NMNAT2: variants seen among roughly 807,000 people sequenced by gnomAD.
NMNAT2 encodes the protein nicotinamide/nicotinic acid mononucleotide adenylyltransferase 2.
A neutral mutation model predicts 41.6 loss-of-function variants in NMNAT2; 11 were observed. That is an observed-to-expected ratio of 0.26 (90% CI 0.17 to 0.44). NMNAT2 has a LOEUF of 0.44. Ranked by LOEUF, NMNAT2 falls within the 20% of genes least tolerant of loss-of-function variation. NMNAT2 has a pLI of 1.00. For synonymous variants in NMNAT2, 148 were observed against 151.2 expected (o/e 0.98, Z 0.16); for missense variants, 288 against 407.7 (o/e 0.71, Z 2.53).
At chr1:183,315,918 A>T (rs984578280) in intron 1 of NMNAT2, among the ~76,000 whole-genome samples, 7 of 152,318 alleles carry the variant, frequency 4.6e-5, no homozygotes, top group Non-Finnish European at 1.0e-4. Flanking sequence ...GTAAAAAAAT[A>T]AAAAAATAAA....
At chr1:183,258,995 T>C (rs908903952) in intron 10 of NMNAT2, among the ~76,000 whole-genome samples, 8 of 152,150 alleles carry the variant, frequency 5.3e-5, no homozygotes, top group Non-Finnish European at 8.8e-5. Flanking sequence ...AATTACTCTT[T>C]CTCTATTGCA....
chr1:183,312,215 G>A (rs760187593), intron 1 of NMNAT2, among the ~76,000 whole-genome samples: 8 of 151,602 alleles, frequency 5.3e-5, no homozygotes, highest in Non-Finnish European at 1.2e-4. Context: ...TTTTTGGTAG[G>A]CACATTAGTC....
intron 3 of NMNAT2, 95 bp from the exon 4 acceptor site, chr1:183,290,301 G>T: frequency 3.1e-6 from 3 of 981,884 alleles, no homozygotes; most frequent in South Asian, 1.5e-5. Context: ...AAGCATGGCA[G>T]ATCTGGCCAT....
chr1:183,259,737 C>A (rs1259423407), intron 10 of NMNAT2, among the ~76,000 whole-genome samples: 2 of 152,064 alleles, frequency 1.3e-5, no homozygotes, highest in Admixed American at 1.3e-4. Flanking sequence ...GTAGCTGGGA[C>A]TACAGGCGGC....
At chr1:183,388,531 C>T (rs1051648821) in intron 1 of NMNAT2, among the ~76,000 whole-genome samples, 2 of 152,198 alleles carry the variant, frequency 1.3e-5, no homozygotes, top group African/African-American at 2.4e-5. Flanking sequence ...GTTCAGTTCA[C>T]CTGCTACAAT....
intron 1 of NMNAT2, among the ~76,000 whole-genome samples, chr1:183,330,886 C>T (rs1413532552): frequency 6.6e-6 from 1 of 152,200 alleles, no homozygotes; most frequent in Non-Finnish European, 1.5e-5. Flanking sequence ...TCCTTCAGGG[C>T]TCAGAGCTCC....
At chr1:183,270,717 G>A (rs1198230845) in intron 8 of NMNAT2, among the ~76,000 whole-genome samples, 2 of 152,184 alleles carry the variant, frequency 1.3e-5, no homozygotes, top group Non-Finnish European at 2.9e-5. Flanking sequence ...ATTGGCAGGA[G>A]CTGAGCCTCC....
chr1:183,345,694 T>C (rs1316592522), intron 1 of NMNAT2, among the ~76,000 whole-genome samples: 4 of 151,324 alleles, frequency 2.6e-5, no homozygotes, highest in African/African-American at 9.7e-5. Flanking sequence ...TTTTCTTTTT[T>C]TTTTTTTTTT....
intron 1 of NMNAT2, among the ~76,000 whole-genome samples, chr1:183,357,520 C>A (rs1420482784): frequency 2.0e-5 from 3 of 152,122 alleles, no homozygotes; most frequent in Non-Finnish European, 4.4e-5. Context: ...TGAGCCACCA[C>A]GCCCGGCTGA....
rs1571586903 is a variant in NMNAT2, at chr1:183,304,545, G to T, written c.86-10752C>A. On this transcript the variant is annotated intron_variant, in intron 1 of 10. Coordinates refer to ENST00000287713, the MANE Select transcript of NMNAT2 (RefSeq NM_015039.4). ...CAGGCTGATGTCCCTAAACAGGCAT[G>T]CACAGAGCAGCCCTGCAAACCTTGA... The T allele has an allele frequency of 7.2e-6, 6 of 832,640 alleles. No homozygotes were observed. In the East Asian group the frequency reaches 1.5e-4, roughly 21 times the overall value. The allele number at this position is 832,640 out of a possible 1,614,324, so 51.6% of individuals were successfully genotyped here.
In NMNAT2 at chr1:183,338,908, C is replaced by T. The variant is rs75111978; in HGVS notation, c.86-45115G>A. Among the ~76,000 whole-genome samples, 78 of 152,164 alleles carry T rather than the reference C, an allele frequency of 5.1e-4. 1 individual carries two copies. The highest frequency in any genetic ancestry group is 1.7e-3 in the African/African-American group (71 of 41,518). Reference sequence around the variant, plus strand: ...TTTTGGAGACTCTCCCACTCTGTCTCGGGCTATGAGTTGGCATGAAACAGG... The same window carrying T: ...TTTTGGAGACTCTCCCACTCTGTCTTGGGCTATGAGTTGGCATGAAACAGG... On this transcript the variant is annotated intron_variant, in intron 1 of 10. Transcript: ENST00000287713.
chr1:183,315,987 T>C (rs948462129), intron 1 of NMNAT2, among the ~76,000 whole-genome samples: 3 of 152,196 alleles, frequency 2.0e-5, no homozygotes, highest in African/African-American at 4.8e-5. Context: ...TCTTTAATTT[T>C]TGATTCTTAG....
Position 183,342,090 on chromosome 1 carries a change from C to T in NMNAT2, c.86-48297G>A, listed in dbSNP as rs968260377. Among the ~76,000 whole-genome samples, 9 of 151,464 alleles carry T rather than the reference C, an allele frequency of 5.9e-5. No individual in the cohort carries two copies. In the East Asian group the frequency reaches 7.8e-4, roughly 13 times the overall value. On this transcript the variant is annotated intron_variant, in intron 1 of 10. Coordinates refer to ENST00000287713, the MANE Select transcript of NMNAT2 (RefSeq NM_015039.4). ...CCCCTGCCCACTGCCCCTGCTGAGG[C>T]CCAAACATGCAAAGCAGTGTCTCTG...
intron 1 of NMNAT2, among the ~76,000 whole-genome samples, chr1:183,330,490 G>A (rs1047363181): frequency 6.6e-6 from 1 of 152,074 alleles, no homozygotes; most frequent in Non-Finnish European, 1.5e-5. Context: ...CTTCACCATG[G>A]TCCCTACCTA....
At position 183,412,936 on chromosome 1, in the gene NMNAT2, C is replaced by A. The variant is rs141834427; in HGVS notation, c.85+5247G>T. On this transcript the variant is annotated intron_variant, in intron 1 of 10. Transcript: ENST00000287713. ...TAGGAGGAAAAACAGAAAAAGAATG[C>A]TATTTAGCTGCCATCACTTCCAGGG... Among the ~76,000 whole-genome samples, 305 of 152,276 alleles carry A rather than the reference C, an allele frequency of 2.0e-3. 2 individuals are homozygous for A. The highest frequency in any genetic ancestry group is 7.1e-3 in the African/African-American group (297 of 41,558).
At chr1:183,287,385 T>A (rs1661428023) in intron 4 of NMNAT2, among the ~76,000 whole-genome samples, 1 of 151,372 alleles carries the variant, frequency 6.6e-6, no homozygotes, top group African/African-American at 2.4e-5. Flanking sequence ...AGAGGGAGAG[T>A]GGTGCCAGGC....
chr1:183,340,970 C>G (rs528054957), intron 1 of NMNAT2, among the ~76,000 whole-genome samples: 2 of 152,316 alleles, frequency 1.3e-5, no homozygotes, highest in South Asian at 2.1e-4. Context: ...TCATTAGATC[C>G]TGATGATGAG....
At chr1:183,316,553 A>G (rs1164757170) in intron 1 of NMNAT2, among the ~76,000 whole-genome samples, 1 of 152,186 alleles carries the variant, frequency 6.6e-6, no homozygotes, top group Admixed American at 6.5e-5. Context: ...TACCAGCTGC[A>G]GAGCCAGGGC....
At chr1:183,390,637 G>A (rs1052168125) in intron 1 of NMNAT2, among the ~76,000 whole-genome samples, 4 of 152,096 alleles carry the variant, frequency 2.6e-5, no homozygotes, top group African/African-American at 7.2e-5. Flanking sequence ...CTCATGCTTC[G>A]GATGCCTGGT....
Sources: allele counts gnomAD v4.1 joint callset (sites outside exome capture counted in the v4.1 genomes callset), GRCh38; gene constraint gnomAD v4.1.1; transcripts MANE v1.5; gene names NCBI Gene and HGNC (gene_info 2026-07-23, HGNC 2026-07-21).